DPP10: variants seen among roughly 807,000 people sequenced by gnomAD.
DPP10 encodes the protein inactive dipeptidyl peptidase 10.
A neutral mutation model predicts 120.9 loss-of-function variants in DPP10; 33 were observed. The ratio of observed to expected loss-of-function variants is 0.27; its 90% CI spans 0.21 to 0.37. The LOEUF is 0.37. Among genes scored for constraint, DPP10 ranks in the 10% least tolerant of loss-of-function variants. The probability of loss-of-function intolerance (pLI) is 1.00; values close to 1 mark genes in which losing one functional copy is unlikely to be tolerated. For synonymous variants in DPP10, 337 were observed against 326.1 expected, an observed-to-expected ratio of 1.03 and a Z score of -0.36; for missense variants, 816 against 942.8, an observed-to-expected ratio of 0.87 and a Z score of 1.76.
chr2:115,162,103 C>G lies in DPP10; in HGVS notation c.61-147136C>G, dbSNP rs2052427043. On this transcript the variant is annotated intron_variant, in intron 1 of 25. Transcript: ENST00000410059. Reference sequence around the variant, plus strand: ...TGCGCGCTCCGCCCGCCTCCCGCTTCCCAGGCTGGGCTCCCGCGCCTCCCT... The same window carrying G: ...TGCGCGCTCCGCCCGCCTCCCGCTTGCCAGGCTGGGCTCCCGCGCCTCCCT... The G allele has an allele frequency of 1.6e-5, 24 of 1,507,828 alleles. 1 individual carries two copies. In the South Asian group the frequency reaches 2.6e-4, roughly 16 times the overall value. The allele number at this position is 1,507,828 out of a possible 1,614,324, so 93.4% of individuals were successfully genotyped here. A position where few individuals can be genotyped will look rare whatever the true frequency, so the allele number is the denominator to read the frequency against.
chr2:115,795,274 C>T (rs371616923), intron 19 of DPP10, among the ~76,000 whole-genome samples: 1 of 152,242 alleles, frequency 6.6e-6, no homozygotes, highest in Non-Finnish European at 1.5e-5. Context: ...ACCAAGGGCC[C>T]GTCATCTCTT....
At chr2:115,278,934 CT>C (rs1353763781) in intron 1 of DPP10, among the ~76,000 whole-genome samples, 1 of 152,150 alleles carries the variant, frequency 6.6e-6, no homozygotes, top group Non-Finnish European at 1.5e-5. Context: ...AATTCAATGT[CT>C]TTTAGCTTTT....
At chr2:115,115,252 C>CTGGGAAA (rs371066967) in intron 1 of DPP10, among the ~76,000 whole-genome samples, 235 of 152,190 alleles carry the variant, frequency 1.5e-3, no homozygotes, top group African/African-American at 5.2e-3. Flanking sequence ...TGACTGAGCT[C>CTGGGAAA]TGGGAAATGG....
At chr2:114,477,859 A>ATGTATATATGTACATATATG (rs1198567665) in intron 1 of DPP10, among the ~76,000 whole-genome samples, 70 of 74,650 alleles carry the variant, frequency 9.4e-4, no homozygotes, top group South Asian at 9.0e-3. Flanking sequence ...GTATAAATAT[A>ATGTATATATGTACATATATG]TGTATATATG....
chr2:114,965,531 A>C (rs1456168024), intron 1 of DPP10, among the ~76,000 whole-genome samples: 1 of 152,128 alleles, frequency 6.6e-6, no homozygotes, highest in Non-Finnish European at 1.5e-5. Context: ...AGGAGAGTAG[A>C]TTTGGTTGAA....
intron 1 of DPP10, among the ~76,000 whole-genome samples, chr2:114,912,727 G>A (rs1215302579): frequency 3.9e-5 from 6 of 152,180 alleles, no homozygotes; most frequent in Non-Finnish European, 8.8e-5. Context: ...CCAGGGAAAA[G>A]GTGAGTTTGA....
At chr2:115,343,416 G>A (rs868509844) in intron 2 of DPP10, among the ~76,000 whole-genome samples, 2 of 151,940 alleles carry the variant, frequency 1.3e-5, no homozygotes, top group Non-Finnish European at 2.9e-5. Flanking sequence ...ACCATCTTTG[G>A]TTTTTAACAA....
intron 1 of DPP10, among the ~76,000 whole-genome samples, chr2:114,874,398 C>T (rs987794032): frequency 6.6e-6 from 1 of 152,084 alleles, no homozygotes; most frequent in African/African-American, 2.4e-5. Context: ...AGCCTGCTTC[C>T]ATTTCCAACA....
At chr2:115,758,710 T>C (rs1258341993) in intron 11 of DPP10, among the ~76,000 whole-genome samples, 5 of 152,048 alleles carry the variant, frequency 3.3e-5, no homozygotes, top group Non-Finnish European at 5.9e-5. Context: ...AATAAAAAGC[T>C]ACAAAAACCT....
intron 1 of DPP10, among the ~76,000 whole-genome samples, chr2:114,723,400 A>G (rs1221872152): frequency 1.3e-5 from 2 of 152,232 alleles, no homozygotes; most frequent in East Asian, 3.9e-4. Flanking sequence ...GGAAAGATGT[A>G]CAACAGTTCC....
At chr2:115,531,427 A>T (rs545836889) in intron 5 of DPP10, among the ~76,000 whole-genome samples, 1 of 152,110 alleles carries the variant, frequency 6.6e-6, no homozygotes, top group Non-Finnish European at 1.5e-5. Flanking sequence ...CAGGACAAAG[A>T]TTAATAGAAA....
intron 1 of DPP10, among the ~76,000 whole-genome samples, chr2:115,141,684 T>A (rs961721724): frequency 6.6e-6 from 1 of 152,224 alleles, no homozygotes; most frequent in Non-Finnish European, 1.5e-5. Context: ...GAGGATTTAG[T>A]CCATGCTGTC....
At chr2:115,677,930 T>G (rs2090389655) in intron 5 of DPP10, among the ~76,000 whole-genome samples, 1 of 152,218 alleles carries the variant, frequency 6.6e-6, no homozygotes, top group Non-Finnish European at 1.5e-5. Context: ...AAAAGGCATT[T>G]ATAAGTCATT....
chr2:115,181,334 G>A (rs12711820), intron 1 of DPP10, among the ~76,000 whole-genome samples: 1 of 151,918 alleles, frequency 6.6e-6, no homozygotes, highest in African/African-American at 2.4e-5. Context: ...TTAAAACAAC[G>A]ATTTTATTTC....
At chr2:115,035,811 C>G (rs563755681) in intron 1 of DPP10, among the ~76,000 whole-genome samples, 1 of 152,292 alleles carries the variant, frequency 6.6e-6, no homozygotes, top group South Asian at 2.1e-4. Context: ...TAACAGGTAT[C>G]TGATTAGCAT....
chr2:115,011,122 G>A (rs892447219), intron 1 of DPP10, among the ~76,000 whole-genome samples: 6 of 152,238 alleles, frequency 3.9e-5, no homozygotes, highest in South Asian at 4.1e-4. Context: ...GAAGTTAATC[G>A]TATTGTGGTC....
chr2:115,642,865 A>G lies in DPP10; in HGVS notation c.442-46822A>G, dbSNP rs934600872. ...TAAACATATAGATATATAGAGAGAG[A>G]TTTAAAATATACTATGTTGTAGTTC... On this transcript the variant is annotated intron_variant, in intron 5 of 25. Coordinates refer to ENST00000410059, the MANE Select transcript of DPP10 (RefSeq NM_020868.6). Among the ~76,000 whole-genome samples the G allele has an allele frequency of 6.6e-5, 10 of 152,174 alleles. No homozygotes were observed. In the South Asian group the frequency reaches 1.5e-3, roughly 22 times the overall value.
intron 3 of DPP10, among the ~76,000 whole-genome samples, chr2:115,491,436 TTC>T (rs1031115322): frequency 6.6e-6 from 1 of 152,130 alleles, no homozygotes; most frequent in Non-Finnish European, 1.5e-5. Context: ...CAGGAGCCCT[TTC>T]TCTTACAGAC....
chr2:114,863,589 T>C (rs1248900836), intron 1 of DPP10, among the ~76,000 whole-genome samples: 3 of 152,106 alleles, frequency 2.0e-5, no homozygotes, highest in African/African-American at 7.2e-5. Flanking sequence ...ACCAGACACA[T>C]GGCTGCAAAC....
Sources: allele counts gnomAD v4.1 joint callset (sites outside exome capture counted in the v4.1 genomes callset), GRCh38; gene constraint gnomAD v4.1.1; transcripts MANE v1.5; gene names NCBI Gene and HGNC (gene_info 2026-07-23, HGNC 2026-07-21).